The following SOBP variants were observed in gnomAD, a reference collection of about 807,000 sequenced individuals.
The protein encoded by SOBP is sine oculis binding protein homolog, also known as sine oculis-binding protein homolog.
SOBP carries 4 observed loss-of-function variants against 53.6 expected under a neutral mutation model. The ratio of observed to expected loss-of-function variants is 0.07; its 90% CI spans 0.04 to 0.17. The LOEUF (loss-of-function observed/expected upper bound fraction) is 0.17. Ranked by LOEUF, SOBP falls within the 10% of genes least tolerant of loss-of-function variation. The pLI is 1.00. For synonymous variants in SOBP, 584 were observed against 522.6 expected (o/e 1.12, Z -1.60); for missense variants, 1,088 against 1,204.7 (o/e 0.90, Z 1.43).
intron 4 of SOBP, among the ~76,000 whole-genome samples, chr6:107,572,518 G>A (rs1451651536): frequency 6.6e-6 from 1 of 152,144 alleles, no homozygotes; most frequent in African/African-American, 2.4e-5. Context: ...TGCCCAGGAT[G>A]TTCTCAAACT....
intron 5 of SOBP, among the ~76,000 whole-genome samples, chr6:107,619,219 T>C (rs1786913767): frequency 6.6e-6 from 1 of 152,078 alleles, no homozygotes; most frequent in African/African-American, 2.4e-5. Context: ...AAAGAAAGCT[T>C]TAATTAAAGA....
At chr6:107,532,241 T>TCACACACA (rs10525191) in intron 3 of SOBP, among the ~76,000 whole-genome samples, 133 of 139,732 alleles carry the variant, frequency 9.5e-4, no homozygotes, top group African/African-American at 2.3e-3. Context: ...TCTCTCTCTC[T>TCACACACA]CACACACACA....
intron 5 of SOBP, among the ~76,000 whole-genome samples, chr6:107,608,533 A>G (rs915794325): frequency 2.4e-4 from 36 of 152,232 alleles, no homozygotes; most frequent in African/African-American, 8.7e-4. Context: ...TAGAGGACTG[A>G]CATAGGATGG....
chr6:107,624,249 C>A (rs1770358173), intron 5 of SOBP, among the ~76,000 whole-genome samples: 1 of 152,178 alleles, frequency 6.6e-6, no homozygotes, highest in African/African-American at 2.4e-5. Flanking sequence ...CTCTGCTAGT[C>A]AGGCTACTGC....
intron 6 of SOBP, among the ~76,000 whole-genome samples, chr6:107,648,387 A>G (rs535271404): frequency 7.0e-4 from 104 of 149,550 alleles, no homozygotes; most frequent in African/African-American, 2.4e-3. Context: ...AGCATCTCCC[A>G]CTTTAACAGG....
intron 1 of SOBP, among the ~76,000 whole-genome samples, chr6:107,498,728 AAGACAT>A (rs1184832802): frequency 3.9e-5 from 6 of 152,230 alleles, no homozygotes; most frequent in Non-Finnish European, 7.3e-5. Context: ...AGGAGGAGTA[AAGACAT>A]AGTAAAATTT....
At chr6:107,568,852 GAGA>G (rs1269350236) in intron 4 of SOBP, among the ~76,000 whole-genome samples, 5 of 152,284 alleles carry the variant, frequency 3.3e-5, no homozygotes, top group Non-Finnish European at 7.4e-5. Context: ...AACAGACTGA[GAGA>G]AACCTTCATG....
chr6:107,556,633 C>T (rs1423452197), intron 4 of SOBP, among the ~76,000 whole-genome samples: 1 of 152,160 alleles, frequency 6.6e-6, no homozygotes, highest in Non-Finnish European at 1.5e-5. Context: ...TGCATTAATG[C>T]GTGCCTAACA....
chr6:107,527,946 T>C (rs1326080934), intron 3 of SOBP, among the ~76,000 whole-genome samples: 2 of 152,210 alleles, frequency 1.3e-5, no homozygotes, highest in Non-Finnish European at 2.9e-5. Flanking sequence ...TACAGTGTCA[T>C]CACCCTGTCC....
At chr6:107,539,538 G>A (rs765561997) in intron 4 of SOBP, among the ~76,000 whole-genome samples, 18 of 152,104 alleles carry the variant, frequency 1.2e-4, no homozygotes, top group African/African-American at 2.9e-4. Context: ...CGGAACTGCC[G>A]GTAATTATCC....
Position 107,634,064 on chromosome 6 carries a change from T to G in SOBP, c.1220T>G (p.Ile407Ser). ...IFMEQQIMQQIRPPFIRGPPH... is the reference protein window; with the variant it reads ...IFMEQQIMQQSRPPFIRGPPH... ...ATGGAGCAGCAGATCATGCAGCAGATCCGCCCGCCCTTCATCCGCGGGCCT... is the reference window on the plus strand; with the variant it reads ...ATGGAGCAGCAGATCATGCAGCAGAGCCGCCCGCCCTTCATCCGCGGGCCT... Residue 407 changes from isoleucine (I) to serine (S), a missense_variant, in exon 6 of 7, where the codon ATC becomes AGC. By Grantham distance (142) the Ile-to-Ser change is moderately radical. This residue lies in a region of SOBP where 211 missense variants were observed against 258.9 expected (regional missense o/e 0.82). Coordinates refer to ENST00000317357, the MANE Select transcript of SOBP (RefSeq NM_018013.4). The surrounding 1 kb of genome is among the most constrained non-coding windows in gnomAD (Gnocchi z 4.5). 1 of 1,602,596 alleles carries G rather than the reference T, an allele frequency of 6.2e-7. No individual in the cohort carries two copies.
intron 4 of SOBP, among the ~76,000 whole-genome samples, chr6:107,578,001 G>C (rs1417271187): frequency 1.3e-5 from 2 of 151,732 alleles, no homozygotes; most frequent in African/African-American, 2.4e-5. Flanking sequence ...GTGAACCGGG[G>C]AGGCGAAGCT....
intron 4 of SOBP, among the ~76,000 whole-genome samples, chr6:107,549,326 A>G (rs1784398704): frequency 6.6e-6 from 1 of 152,070 alleles, no homozygotes; most frequent in Non-Finnish European, 1.5e-5. Flanking sequence ...AGAATTAATT[A>G]TAAAGAGGCA....
intron 5 of SOBP, among the ~76,000 whole-genome samples, chr6:107,629,655 G>A (rs1461792973): frequency 6.6e-6 from 1 of 152,256 alleles, no homozygotes. Context: ...TCAGGAGCAA[G>A]TGATATATGT....
At chr6:107,594,157 C>A (rs1245760653) in intron 5 of SOBP, among the ~76,000 whole-genome samples, 1 of 152,204 alleles carries the variant, frequency 6.6e-6, no homozygotes, top group Non-Finnish European at 1.5e-5. Context: ...CACTGAATCT[C>A]TGTGTGTCTG....
At chr6:107,494,535 T>A (rs1308996965) in intron 1 of SOBP, among the ~76,000 whole-genome samples, 1 of 152,240 alleles carries the variant, frequency 6.6e-6, no homozygotes, top group African/African-American at 2.4e-5. Context: ...GTAGAGATTA[T>A]GAGTTCAATT....
chr6:107,561,552 A>G (rs1459357887), intron 4 of SOBP, among the ~76,000 whole-genome samples: 2 of 152,096 alleles, frequency 1.3e-5, no homozygotes, highest in East Asian at 1.9e-4. Flanking sequence ...GGGCTGGGCC[A>G]TTTCTCTGGG....
At chr6:107,550,035 G>A (rs1784419215) in intron 4 of SOBP, among the ~76,000 whole-genome samples, 2 of 152,186 alleles carry the variant, frequency 1.3e-5, no homozygotes, top group Non-Finnish European at 2.9e-5. Flanking sequence ...AAGGCCAGTG[G>A]GGACAGGAAG....
At chr6:107,606,808 A>G (rs1188442969) in intron 5 of SOBP, among the ~76,000 whole-genome samples, 3 of 152,270 alleles carry the variant, frequency 2.0e-5, no homozygotes, top group South Asian at 2.1e-4. Flanking sequence ...AGGCAGATGA[A>G]TGTGTGTTGT....
Sources: gnomAD v4.1 joint callset for allele counts (sites outside exome capture counted in the v4.1 genomes callset) on GRCh38, gnomAD v4.1.1 for gene constraint, gnomAD v4.1.1 regional missense constraint, Gnocchi (gnomAD v3.1) non-coding constraint, MANE v1.5 for transcripts, NCBI Gene and HGNC (gene_info 2026-07-23, HGNC 2026-07-21) for gene names.